Variants in ZHX3 observed in about 807,000 individuals in gnomAD.
ZHX3 encodes zinc fingers and homeoboxes 3.
ZHX3 carries 20 observed loss-of-function variants against 64.5 expected under a neutral mutation model. The observed-to-expected ratio is 0.31, with a 90% CI of 0.22 to 0.45. The LOEUF (loss-of-function observed/expected upper bound fraction) is 0.45. Among genes scored for constraint, ZHX3 ranks in the 20% least tolerant of loss-of-function variants. The probability of loss-of-function intolerance (pLI) is 1.00; values close to 1 mark genes in which losing one functional copy is unlikely to be tolerated. For synonymous variants in ZHX3, 423 were observed against 461.6 expected (o/e 0.92, Z 1.07); for missense variants, 1,041 against 1,195.8 (o/e 0.87, Z 1.91).
intron 2 of ZHX3, among the ~76,000 whole-genome samples, chr20:41,230,082 T>C (rs1283453356): frequency 6.6e-5 from 10 of 152,230 alleles, no homozygotes; most frequent in Admixed American, 6.5e-4. Context: ...AGGATTTGTT[T>C]CTGGTCTCTC....
intron 1 of ZHX3, among the ~76,000 whole-genome samples, chr20:41,303,668 C>T (rs540407761): frequency 2.0e-5 from 3 of 152,314 alleles, no homozygotes; most frequent in African/African-American, 7.2e-5. Context: ...CTGGCCATCT[C>T]CTGTGCATGC....
At chr20:41,289,228 T>C (rs1233744420) in intron 1 of ZHX3, among the ~76,000 whole-genome samples, 1 of 152,018 alleles carries the variant, frequency 6.6e-6, no homozygotes, top group Admixed American at 6.6e-5. Context: ...TCTCAACTCC[T>C]GGGCTCAAGC....
chr20:41,223,472 T>C (rs2040080407), intron 2 of ZHX3, among the ~76,000 whole-genome samples: 1 of 152,188 alleles, frequency 6.6e-6, no homozygotes, highest in South Asian at 2.1e-4. Flanking sequence ...AGTAACACAC[T>C]TGTGAAAAAG....
At chr20:41,291,987 T>G in intron 1 of ZHX3, among the ~76,000 whole-genome samples, 1 of 119,394 alleles carries the variant, frequency 8.4e-6, no homozygotes, top group African/African-American at 3.2e-5. Flanking sequence ...AACACCAGCC[T>G]GGGGAACACA....
In ZHX3 at chr20:41,203,867, G is replaced by C. The variant is rs1392880065; in HGVS notation, c.1050C>G (p.Ile350Met). The C allele has an allele frequency of 6.2e-7, 1 of 1,614,250 alleles. No homozygotes were observed. Residue 350 changes from isoleucine (I) to methionine (M), a missense_variant, in exon 3 of 4, where the codon ATC becomes ATG. Coordinates refer to ENST00000683867, the MANE Select transcript of ZHX3 (RefSeq NM_001384317.1). This position sits in a 1 kb window ranked among gnomAD's most constrained non-coding sequence, Gnocchi z 7.1. ...VTKYPEEQLK[I>M]WFTAQRLKQG... The stretch of plus-strand genomic sequence containing the variant: ...GCTTCAGCCTTTGGGCTGTGAACCA[G>C]ATCTTGAGCTGTTCTTCTGGATACT...
At chr20:41,292,596 G>A (rs989021423) in intron 1 of ZHX3, among the ~76,000 whole-genome samples, 2 of 152,170 alleles carry the variant, frequency 1.3e-5, no homozygotes, top group African/African-American at 2.4e-5. Context: ...GCTCATCTAC[G>A]ATTCAAAAGC....
At chr20:41,242,969 T>C (rs1421403922) in intron 2 of ZHX3, among the ~76,000 whole-genome samples, 1 of 152,200 alleles carries the variant, frequency 6.6e-6, no homozygotes, top group Non-Finnish European at 1.5e-5. Context: ...TCTGTGCTTG[T>C]CTCCATGTAC....
chr20:41,287,250 C>T (rs1230608410), intron 1 of ZHX3, among the ~76,000 whole-genome samples: 1 of 152,162 alleles, frequency 6.6e-6, no homozygotes, highest in African/African-American at 2.4e-5. Context: ...AGAGGCCTCC[C>T]CTGACTACAC....
At chr20:41,275,652 A>G (rs915647744) in intron 1 of ZHX3, among the ~76,000 whole-genome samples, 5 of 152,238 alleles carry the variant, frequency 3.3e-5, no homozygotes, top group Admixed American at 6.5e-5. Context: ...CTCTCATGGC[A>G]TGAGTTTTGC....
chr20:41,234,760 T>C (rs549100422), intron 2 of ZHX3, among the ~76,000 whole-genome samples: 4 of 152,238 alleles, frequency 2.6e-5, no homozygotes, highest in Non-Finnish European at 5.9e-5. Context: ...AGTGGCAGCA[T>C]AGTCTTAGAA....
intron 1 of ZHX3, among the ~76,000 whole-genome samples, chr20:41,273,462 C>T (rs140394688): frequency 1.3e-5 from 2 of 152,060 alleles, no homozygotes; most frequent in East Asian, 3.9e-4. Context: ...GAAGATTTAC[C>T]CTTATGTTTT....
chr20:41,315,465 T>A (rs1426427260), intron 1 of ZHX3, among the ~76,000 whole-genome samples: 1 of 150,556 alleles, frequency 6.6e-6, no homozygotes, highest in Middle Eastern at 3.2e-3. Flanking sequence ...AGTGCTGTGA[T>A]TACAAGTGTA....
chr20:41,208,528 T>C (rs564127227), intron 2 of ZHX3, among the ~76,000 whole-genome samples: 1 of 152,370 alleles, frequency 6.6e-6, no homozygotes, highest in South Asian at 2.1e-4. Flanking sequence ...GATGCAAGGC[T>C]GGTTCAACAT....
intron 1 of ZHX3, among the ~76,000 whole-genome samples, chr20:41,293,512 T>C (rs1343133052): frequency 6.6e-6 from 1 of 151,958 alleles, no homozygotes; most frequent in African/African-American, 2.4e-5. Context: ...GCTTGACAGC[T>C]GATCACGTAA....
At chr20:41,282,258 T>G (rs1479153916) in intron 1 of ZHX3, among the ~76,000 whole-genome samples, 1 of 152,146 alleles carries the variant, frequency 6.6e-6, no homozygotes, top group African/African-American at 2.4e-5. Context: ...TCACTTAACT[T>G]CTCATCTTCT....
At chr20:41,248,766 A>G (rs1011734615) in intron 2 of ZHX3, among the ~76,000 whole-genome samples, 2 of 152,174 alleles carry the variant, frequency 1.3e-5, no homozygotes, top group African/African-American at 4.8e-5. Context: ...GTTTATGGCT[A>G]TGTTTTTCTG....
chr20:41,275,126 C>A (rs1353803641), intron 1 of ZHX3, among the ~76,000 whole-genome samples: 1 of 151,914 alleles, frequency 6.6e-6, no homozygotes, highest in African/African-American at 2.4e-5. Flanking sequence ...CCATTGCACT[C>A]CAGCCTGGGT....
At chr20:41,263,897 A>G (rs2042690192) in intron 2 of ZHX3, among the ~76,000 whole-genome samples, 1 of 152,134 alleles carries the variant, frequency 6.6e-6, no homozygotes, top group African/African-American at 2.4e-5. Flanking sequence ...TTCAACTAAA[A>G]GTTGCTGTGA....
chr20:41,220,295 A>G (rs2039846480), intron 2 of ZHX3, among the ~76,000 whole-genome samples: 1 of 152,368 alleles, frequency 6.6e-6, no homozygotes, highest in Admixed American at 6.5e-5. Flanking sequence ...AAGTTGAGAA[A>G]AGAGTGTTCT....
Sources: gnomAD v4.1 joint callset for allele counts (sites outside exome capture counted in the v4.1 genomes callset) on GRCh38, gnomAD v4.1.1 for gene constraint, Gnocchi (gnomAD v3.1) non-coding constraint, MANE v1.5 for transcripts, NCBI Gene and HGNC (gene_info 2026-07-23, HGNC 2026-07-21) for gene names.